The following COL24A1 variants were observed in gnomAD, a reference collection of about 807,000 sequenced individuals.
The protein encoded by COL24A1 is collagen type XXIV alpha 1 chain, also known as collagen alpha-1(XXIV) chain.
A neutral mutation model predicts 253.9 loss-of-function variants in COL24A1; 224 were observed. The ratio of observed to expected loss-of-function variants is 0.88; its 90% CI spans 0.79 to 0.99. The LOEUF is 0.99. COL24A1 is among the 50% of genes least tolerant of loss of function. The pLI, the probability that COL24A1 is intolerant of heterozygous loss-of-function variation, is 0.00. For synonymous variants in COL24A1, 685 were observed against 673.7 expected, an observed-to-expected ratio of 1.02 and a Z score of -0.26; for missense variants, 2,131 against 2,068.5, an observed-to-expected ratio of 1.03 and a Z score of -0.59.
chr1:85,803,993 G>T (rs1671701007), intron 47 of COL24A1, among the ~76,000 whole-genome samples: 1 of 152,032 alleles, frequency 6.6e-6, no homozygotes, highest in East Asian at 1.9e-4. Flanking sequence ...GCCTCACAAA[G>T]ACCTACATTA....
chr1:86,122,650 T>C (rs1647557172), intron 3 of COL24A1, among the ~76,000 whole-genome samples: 1 of 152,054 alleles, frequency 6.6e-6, no homozygotes, highest in African/African-American at 2.4e-5. Context: ...AATTTGATAG[T>C]CATCTTTTAT....
chr1:86,125,706 A>G lies in COL24A1; in HGVS notation c.630T>C (p.Asn210=). 1 of 1,610,698 alleles carries G rather than the reference A, an allele frequency of 6.2e-7. No individual in the cohort carries two copies. Among genetic ancestry groups the G allele is most frequent in the Non-Finnish European group, 8.5e-7 (1 of 1,177,990 alleles). The part of the protein sequence containing the change: ...NSVFTLGSMN[N]NSIHFEGIVC... ...CTATTCCTTCAAAATGGATAGAATTATTATTCATACTTCCTAAAGTAAACA... is the reference window on the plus strand; with the variant it reads ...CTATTCCTTCAAAATGGATAGAATTGTTATTCATACTTCCTAAAGTAAACA... Residue 210 remains asparagine (N), a synonymous_variant, in exon 3 of 60, where the codon AAT becomes AAC. Transcript: ENST00000370571.
At chr1:86,005,671 AT>A (rs1695881545) in intron 19 of COL24A1, among the ~76,000 whole-genome samples, 1 of 152,138 alleles carries the variant, frequency 6.6e-6, no homozygotes, top group Middle Eastern at 3.2e-3. Flanking sequence ...AAGCAAGAAT[AT>A]CCCCTCTTAT....
Position 85,895,902 on chromosome 1 carries a change from C to T in COL24A1, c.2878G>A (p.Gly960Ser), listed in dbSNP as rs1276003699. Residue 960 changes from glycine to serine, a missense_variant and splice_region_variant, in exon 31 of 60, where the codon GGT (glycine) becomes AGT (serine). By Grantham distance (56) the Gly-to-Ser change is moderately conservative. Transcript: ENST00000370571. ...CTTTCTCCAGGGTTTCCAGTCTTAC[C>T]CTACATGAGAAAGAAAATTCTTGAG... The part of the protein sequence containing the change: ...QGKRGPHGLI[G>S]KTGNPGERGF... The T allele has an allele frequency of 3.1e-6, 5 of 1,607,672 alleles. No homozygotes were observed. In the Admixed American group the frequency reaches 8.5e-5, roughly 27 times the overall value.
chr1:86,093,512 T>A (rs1273291571), intron 5 of COL24A1, among the ~76,000 whole-genome samples: 1 of 152,030 alleles, frequency 6.6e-6, no homozygotes, highest in Non-Finnish European at 1.5e-5. Flanking sequence ...AAGACTTAAA[T>A]GTAAAACCCA....
In COL24A1 at chr1:85,863,529, A is replaced by G. The variant is rs562538649; in HGVS notation, c.3300+4990T>C. ...GTCTAAAACACAAAAAGCAATAGCA[A>G]CAAAAGCCAAAATTGACAAATGGGA... On this transcript the variant is annotated intron_variant, in intron 37 of 59. Coordinates refer to ENST00000370571, the MANE Select transcript of COL24A1 (RefSeq NM_152890.7). 9.1e-4 allele frequency among the ~76,000 whole-genome samples: 138 copies of G among 152,344 alleles called. No homozygotes were observed. In the South Asian group the frequency reaches 0.024, roughly 26 times the overall value.
intron 43 of COL24A1, among the ~76,000 whole-genome samples, chr1:85,833,664 C>T (rs532520237): frequency 1.3e-5 from 2 of 152,238 alleles, no homozygotes; most frequent in East Asian, 3.9e-4. Flanking sequence ...GACACATGCA[C>T]ACGTATGTTT....
At chr1:86,151,989 A>G (rs1652840737) in intron 1 of COL24A1, among the ~76,000 whole-genome samples, 1 of 152,214 alleles carries the variant, frequency 6.6e-6, no homozygotes, top group South Asian at 2.1e-4. Context: ...TTTACATGCC[A>G]AAAACTTCTC....
At chr1:85,847,623 C>A in intron 39 of COL24A1, 42 bp downstream of exon 39, 1 of 1,424,564 alleles carries the variant, frequency 7.0e-7, no homozygotes, top group South Asian at 1.2e-5. Flanking sequence ...GTTTCTTTCC[C>A]ATCCACAGTG....
intron 24 of COL24A1, among the ~76,000 whole-genome samples, chr1:85,938,121 C>T (rs1350632636): frequency 2.0e-5 from 3 of 147,308 alleles, no homozygotes; most frequent in African/African-American, 7.5e-5. Context: ...GAGGCACTAT[C>T]CTATAGGATG....
At chr1:86,092,355 A>G (rs778734071) in intron 5 of COL24A1, 35 bp from the exon 6 acceptor site, 2 of 1,464,924 alleles carry the variant, frequency 1.4e-6, no homozygotes, top group African/African-American at 2.8e-5. Flanking sequence ...TTGGTGAAGC[A>G]TAAGTTGCAT....
chr1:86,094,630 T>C (rs957941879), intron 5 of COL24A1, among the ~76,000 whole-genome samples: 7 of 152,072 alleles, frequency 4.6e-5, no homozygotes, highest in African/African-American at 1.4e-4. Context: ...TTCAAATTTT[T>C]TTTTTTCTAT....
chr1:85,767,076 C>A (rs540856788), intron 53 of COL24A1, among the ~76,000 whole-genome samples: 4 of 150,866 alleles, frequency 2.7e-5, no homozygotes, highest in African/African-American at 7.3e-5. Context: ...TGCACTCCAG[C>A]CTGGGTGACA....
chr1:85,734,267 C>G (rs1190349051), intron 59 of COL24A1, among the ~76,000 whole-genome samples: 1 of 152,048 alleles, frequency 6.6e-6, no homozygotes, highest in Non-Finnish European at 1.5e-5. Context: ...TGGGGCCAGT[C>G]AATATGTAAT....
At chr1:86,097,456 T>TC (rs1290220829) in intron 5 of COL24A1, among the ~76,000 whole-genome samples, 10 of 89,596 alleles carry the variant, frequency 1.1e-4, no homozygotes, top group African/African-American at 3.2e-4. Context: ...TCCCCCCTCC[T>TC]CTTCCTCCCT....
chr1:85,789,785 C>A (rs1006074511), intron 47 of COL24A1, among the ~76,000 whole-genome samples: 2 of 152,044 alleles, frequency 1.3e-5, no homozygotes, highest in African/African-American at 4.8e-5. Flanking sequence ...TATTGAAGGC[C>A]TTTTCTGCAT....
intron 24 of COL24A1, among the ~76,000 whole-genome samples, chr1:85,932,602 A>C (rs1687844850): frequency 1.2e-5 from 1 of 83,416 alleles, no homozygotes; most frequent in Non-Finnish European, 2.2e-5. Flanking sequence ...TACCCAAATG[A>C]GTATAAATCA....
intron 5 of COL24A1, among the ~76,000 whole-genome samples, chr1:86,107,711 A>AT (rs2102105182): frequency 6.6e-6 from 1 of 151,636 alleles, no homozygotes; most frequent in East Asian, 1.9e-4. Context: ...ATTTTTTTGT[A>AT]TTTTTAGTAG....
intron 24 of COL24A1, among the ~76,000 whole-genome samples, chr1:85,955,371 A>G (rs760150509): frequency 6.6e-5 from 10 of 152,218 alleles, no homozygotes; most frequent in Non-Finnish European, 1.2e-4. Context: ...TTTCCAGGAC[A>G]CCAGGGCAAG....
Sources: gnomAD v4.1 joint callset for allele counts (sites outside exome capture counted in the v4.1 genomes callset) on GRCh38, gnomAD v4.1.1 for gene constraint, MANE v1.5 for transcripts, NCBI Gene and HGNC (gene_info 2026-07-23, HGNC 2026-07-21) for gene names.